The following ABI1 variants were observed in gnomAD, a reference collection of about 807,000 sequenced individuals.
ABI1 encodes abl interactor 1, also known as Abelson interactor 1.
In ABI1, 14 loss-of-function variants were observed where a neutral mutation model predicts 54.6. That is an observed-to-expected ratio of 0.26 (90% CI 0.17 to 0.40). The LOEUF (loss-of-function observed/expected upper bound fraction) is 0.40. ABI1 is among the 10% of genes least tolerant of loss of function. The pLI, the probability that ABI1 is intolerant of heterozygous loss-of-function variation, is 1.00. For synonymous variants in ABI1, 194 were observed against 209.3 expected, an observed-to-expected ratio of 0.93 and a Z score of 0.63; for missense variants, 443 against 598.3, an observed-to-expected ratio of 0.74 and a Z score of 2.71.
intron 2 of ABI1, among the ~76,000 whole-genome samples, chr10:26,788,763 T>C (rs1251273721): frequency 6.6e-6 from 1 of 151,802 alleles, no homozygotes; most frequent in East Asian, 1.9e-4. Flanking sequence ...ATACAAAAAA[T>C]TAGCTGGGCG....
intron 1 of ABI1, among the ~76,000 whole-genome samples, chr10:26,841,399 C>CTTTTTTTTTTTTTT (rs34398117): frequency 7.1e-6 from 1 of 140,296 alleles, no homozygotes; most frequent in Non-Finnish European, 1.5e-5. Context: ...ACATAGTTAC[C>CTTTTTTTTTTTTTT]TTTTTTTTTT....
At chr10:26,806,649 T>C (rs2046893800) in intron 2 of ABI1, among the ~76,000 whole-genome samples, 2 of 152,190 alleles carry the variant, frequency 1.3e-5, no homozygotes, top group South Asian at 4.1e-4. Context: ...CTGGAACTTA[T>C]TTGTGGAGAG....
At chr10:26,803,472 G>C (rs1400933438) in intron 2 of ABI1, among the ~76,000 whole-genome samples, 1 of 152,124 alleles carries the variant, frequency 6.6e-6, no homozygotes, top group Non-Finnish European at 1.5e-5. Context: ...AGAATTGCAA[G>C]GCAGAGTGGA....
rs1839584037 is a variant in ABI1, at chr10:26,764,039, G to A, written c.820+1179C>T. ...TTTTGAAACAGCAAGAAAGTACAAT[G>A]TATCGGGAAGAAAAAGAAAAAAGAT... On this transcript the variant is annotated intron_variant, in intron 7 of 10. Coordinates refer to ENST00000376140, the MANE Select transcript of ABI1 (RefSeq NM_001012750.3). 7.2e-6 allele frequency: 8 copies of A among 1,103,780 alleles called. No individual in the cohort carries two copies. In the African/African-American group the frequency reaches 1.3e-4, roughly 18 times the overall value. 68.4% of individuals were successfully genotyped at this position (1,103,780 alleles called of 1,614,324 possible).
At chr10:26,750,197 C>T (rs7078396) in intron 10 of ABI1, among the ~76,000 whole-genome samples, 43,427 of 152,144 alleles carry the variant, frequency 0.29, 7,287 homozygotes, top group African/African-American at 0.47. Context: ...ATGTAAATTA[C>T]TTACTGTTTA....
intron 2 of ABI1, among the ~76,000 whole-genome samples, chr10:26,779,552 T>G (rs575558068): frequency 6.6e-6 from 1 of 152,286 alleles, no homozygotes; most frequent in East Asian, 1.9e-4. Context: ...ACACTGAGTT[T>G]GAAAGTAAGA....
chr10:26,821,641 T>C (rs2047990727), intron 2 of ABI1, among the ~76,000 whole-genome samples: 2 of 151,944 alleles, frequency 1.3e-5, no homozygotes, highest in South Asian at 4.1e-4. Flanking sequence ...CTACTAAAAA[T>C]ACAAAAAATT....
chr10:26,768,952 G>C lies in ABI1; in HGVS notation c.619C>G (p.Pro207Ala), dbSNP rs1020954121. 6 of 1,612,972 alleles carry C rather than the reference G, an allele frequency of 3.7e-6. No homozygotes were observed. The Admixed American group carries it at 1.0e-4, about 27-fold the overall frequency. The change falls in exon 6 of 11, where the codon CCA becomes GCA. Residue 207 changes from proline to alanine, a missense_variant. Physicochemically the swap from Pro to Ala is conservative, Grantham distance 27 (BLOSUM62 -1). Around this residue, in one of 2 missense-constraint regions of ABI1, gnomAD observed 394 missense variants for 484.8 expected, o/e 0.81. Transcript: ENST00000376140. The part of the protein sequence containing the change: ...PYKTLEPVKP[P>A]TVPNDYMTSP... ...GTCATATAGTCATTAGGAACTGTTG[G>C]GGGTTTAACAGGTTCCAGGGTTTTA...
rs1179544295 is a variant in ABI1 at position 26,783,218 on chromosome 10, G to C, written c.286-5977C>G. Among the ~76,000 whole-genome samples the C allele has an allele frequency of 2.6e-5, 4 of 152,168 alleles. No homozygotes were observed. In the East Asian group the frequency reaches 7.7e-4, roughly 29 times the overall value. ...CGCCAGTCACAAAAAGACAAATATT[G>C]TATGATTCCATTTATATGAGGTACT... On this transcript the variant is annotated intron_variant, in intron 2 of 10. Coordinates refer to ENST00000376140, the MANE Select transcript of ABI1 (RefSeq NM_001012750.3).
chr10:26,839,718 A>G (rs1405002775), intron 1 of ABI1: 1 of 701,144 alleles, frequency 1.4e-6, no homozygotes, highest in Non-Finnish European at 2.6e-6. Context: ...TGGGAGGTCA[A>G]GGTAGGAGGA....
At chr10:26,790,058 G>A (rs761129342) in intron 2 of ABI1, among the ~76,000 whole-genome samples, 7 of 152,090 alleles carry the variant, frequency 4.6e-5, no homozygotes, top group Non-Finnish European at 7.4e-5. Flanking sequence ...GATTGATTCC[G>A]TCTTTGCTAT....
chr10:26,797,459 C>T (rs1486296441), intron 2 of ABI1, among the ~76,000 whole-genome samples: 1 of 152,170 alleles, frequency 6.6e-6, no homozygotes, highest in African/African-American at 2.4e-5. Context: ...TAGTATGTGA[C>T]TGGTTTTTAA....
intron 2 of ABI1, among the ~76,000 whole-genome samples, chr10:26,792,297 C>T (rs979229274): frequency 1.3e-5 from 2 of 151,996 alleles, no homozygotes; most frequent in East Asian, 1.9e-4. Flanking sequence ...TAATTACACA[C>T]AAATAGCATA....
intron 2 of ABI1, among the ~76,000 whole-genome samples, chr10:26,818,603 G>A (rs189689673): frequency 1.8e-3 from 231 of 129,630 alleles, no homozygotes; most frequent in African/African-American, 7.3e-3. Context: ...CTGCACTCCA[G>A]CCTGGACAAC....
intron 7 of ABI1, among the ~76,000 whole-genome samples, chr10:26,763,604 G>C (rs1049632248): frequency 6.1e-5 from 9 of 147,674 alleles, no homozygotes; most frequent in Admixed American, 5.6e-4. Flanking sequence ...GGGGGGATTA[G>C]ACTAGAAAAA....
intron 4 of ABI1, chr10:26,770,633 T>C: frequency 1.6e-6 from 1 of 607,624 alleles, no homozygotes; most frequent in South Asian, 1.5e-5. Flanking sequence ...CTTATCTGCA[T>C]TCAAACACTG....
At chr10:26,768,706 C>A (rs1199698052) in intron 6 of ABI1, 146 bp downstream of exon 6, 1 of 672,342 alleles carries the variant, frequency 1.5e-6, no homozygotes, top group South Asian at 2.5e-5. Flanking sequence ...CTTACAGGAA[C>A]ATATATAATA....
intron 7 of ABI1, among the ~76,000 whole-genome samples, chr10:26,764,230 A>G (rs957756089): frequency 1.3e-5 from 2 of 152,166 alleles, no homozygotes; most frequent in South Asian, 2.1e-4. Flanking sequence ...AACATTTTTC[A>G]TTATCATACT....
At chr10:26,753,246 ATTTTT>A (rs1256464611) in intron 9 of ABI1, among the ~76,000 whole-genome samples, 1 of 152,076 alleles carries the variant, frequency 6.6e-6, no homozygotes, top group African/African-American at 2.4e-5. Context: ...TCTACAATTA[ATTTTT>A]CTGCCTCATT....
Sources: gnomAD v4.1 joint callset for allele counts (sites outside exome capture counted in the v4.1 genomes callset) on GRCh38, gnomAD v4.1.1 for gene constraint, gnomAD v4.1.1 regional missense constraint, MANE v1.5 for transcripts, NCBI Gene and HGNC (gene_info 2026-07-23, HGNC 2026-07-21) for gene names.